The following EHBP1 variants were observed in gnomAD, a reference collection of about 807,000 sequenced individuals.
EHBP1 encodes the protein EH domain-binding protein 1.
EHBP1 carries 55 observed loss-of-function variants against 144.0 expected under a neutral mutation model. The ratio of observed to expected loss-of-function variants is 0.38; its 90% CI spans 0.31 to 0.48. EHBP1 has a LOEUF of 0.48. Among genes scored for constraint, EHBP1 ranks in the 20% least tolerant of loss-of-function variants. The pLI is 0.98. For synonymous variants in EHBP1, 469 were observed against 472.7 expected, an observed-to-expected ratio of 0.99 and a Z score of 0.10; for missense variants, 1,200 against 1,364.2, an observed-to-expected ratio of 0.88 and a Z score of 1.90.
chr2:62,870,591 C>T (rs929213326), intron 9 of EHBP1, among the ~76,000 whole-genome samples: 6 of 151,346 alleles, frequency 4.0e-5, no homozygotes, highest in Non-Finnish European at 7.4e-5. Flanking sequence ...TGGCAGGTGC[C>T]TGTAATCCCA....
intron 1 of EHBP1, among the ~76,000 whole-genome samples, chr2:62,682,602 A>G (rs1308159265): frequency 6.6e-6 from 1 of 152,230 alleles, no homozygotes; most frequent in Non-Finnish European, 1.5e-5. Flanking sequence ...CTGATTGACA[A>G]AGTCTAGAAA....
rs538875374 is a variant in EHBP1 at position 62,919,964 on chromosome 2, G to A, written c.1186-22754G>A. Reference sequence around the variant, plus strand: ...AATAAAAGTTAAGGTTGAAGAAAAGGGAACACAGCCTAAAGTACCTGTGAG... The same window carrying A: ...AATAAAAGTTAAGGTTGAAGAAAAGAGAACACAGCCTAAAGTACCTGTGAG... On this transcript the variant is annotated intron_variant, in intron 10 of 22. Transcript: ENST00000431489. Among the ~76,000 whole-genome samples, 15 of 152,168 alleles carry A rather than the reference G, an allele frequency of 9.9e-5. No individual in the cohort carries two copies. In the South Asian group the frequency reaches 2.9e-3, roughly 30 times the overall value.
upstream of EHBP1, among the ~76,000 whole-genome samples, chr2:62,703,180 C>G (rs889531430): frequency 2.0e-5 from 3 of 151,656 alleles, no homozygotes; most frequent in Non-Finnish European, 4.4e-5. Flanking sequence ...AAAAATTAGC[C>G]TATCAGTTAA....
intron 14 of EHBP1, among the ~76,000 whole-genome samples, chr2:62,956,655 C>T (rs1040980733): frequency 6.8e-6 from 1 of 147,760 alleles, no homozygotes; most frequent in Non-Finnish European, 1.5e-5. Flanking sequence ...TGAGACCAGC[C>T]TAGGCAACAG....
At chr2:62,988,434 T>C (rs530443722) in intron 15 of EHBP1, among the ~76,000 whole-genome samples, 21 of 152,284 alleles carry the variant, frequency 1.4e-4, no homozygotes, top group South Asian at 8.3e-4. Context: ...TTTAGAATTA[T>C]AGTCTTAGTT....
intron 13 of EHBP1, 101 bp downstream of exon 13, chr2:62,949,263 G>A: frequency 9.3e-7 from 1 of 1,079,058 alleles, no homozygotes; most frequent in Non-Finnish European, 1.3e-6. Context: ...TAAAGGTGAA[G>A]TGTAATTTCT....
In EHBP1 at chr2:62,955,548, A is replaced by G; in HGVS notation, c.2348A>G (p.Lys783Arg). Residue 783 changes from lysine to arginine, a missense_variant, in exon 14 of 23, where the codon AAG (lysine) becomes AGG (arginine). By Grantham distance (26) the Lys-to-Arg change is conservative. This residue lies in a region of EHBP1 where 543 missense variants were observed against 513.1 expected (regional missense o/e 1.06). Coordinates refer to ENST00000431489, the MANE Select transcript of EHBP1 (RefSeq NM_001142616.3). ...HRLLSRQEEL[K>R]ERARVLLEQA... ...TTGTTATCTAGACAAGAAGAACTTAAGGAAAGAGCAAGAGTTCTGCTTGAG... is the reference window on the plus strand; with the variant it reads ...TTGTTATCTAGACAAGAAGAACTTAGGGAAAGAGCAAGAGTTCTGCTTGAG... 2 of 1,612,770 alleles carry G rather than the reference A, an allele frequency of 1.2e-6. No homozygotes were observed. The highest frequency in any genetic ancestry group is 1.7e-6 in the Non-Finnish European group (2 of 1,179,216).
chr2:62,713,627 G>GTA (rs2035376661), intron 2 of EHBP1, among the ~76,000 whole-genome samples: 1 of 152,154 alleles, frequency 6.6e-6, no homozygotes, highest in Non-Finnish European at 1.5e-5. Flanking sequence ...GGTAAGAAAG[G>GTA]TATTGTTCCC....
Position 62,996,749 on chromosome 2 carries a change from G to A in EHBP1, c.3086G>A (p.Arg1029His), listed in dbSNP as rs1401104128. 2 of 1,612,224 alleles carry A rather than the reference G, an allele frequency of 1.2e-6. No individual in the cohort carries two copies. The highest frequency in any genetic ancestry group is 1.3e-5 in the African/African-American group (1 of 74,730). The change falls in exon 19 of 23, where the codon CGC becomes CAC. Residue 1029 changes from arginine (R) to histidine (H), a missense_variant. By Grantham distance (29) the Arg-to-His change is conservative. Around this residue, in one of 6 missense-constraint regions of EHBP1, gnomAD observed 149 missense variants for 217.0 expected, o/e 0.69. Coordinates refer to ENST00000431489, the MANE Select transcript of EHBP1 (RefSeq NM_001142616.3). ...TRAALVEKRL[R>H]YLMDTGRNTE... ...GCCGCGCTGGTGGAGAAGCGCCTTC[G>A]CTATCTCATGGACACAGGTACGGTG...
intron 10 of EHBP1, among the ~76,000 whole-genome samples, chr2:62,901,543 A>G (rs2053415753): frequency 6.6e-6 from 1 of 152,148 alleles, no homozygotes; most frequent in African/African-American, 2.4e-5. Flanking sequence ...ATGCTATTTT[A>G]TAGAGGAAAC....
intron 8 of EHBP1, among the ~76,000 whole-genome samples, chr2:62,860,286 T>C (rs2049399511): frequency 6.6e-6 from 1 of 152,178 alleles, no homozygotes; most frequent in South Asian, 2.1e-4. Context: ...GGTCACAAGT[T>C]TGCGCCCAGC....
At chr2:63,041,448 A>G (rs1473935571) in intron 21 of EHBP1, among the ~76,000 whole-genome samples, 1 of 152,200 alleles carries the variant, frequency 6.6e-6, no homozygotes, top group East Asian at 1.9e-4. Context: ...GATCTTCTCT[A>G]GGATTTTGTA....
chr2:62,961,165 A>G (rs2057982807), intron 14 of EHBP1, among the ~76,000 whole-genome samples: 1 of 152,230 alleles, frequency 6.6e-6, no homozygotes, highest in Non-Finnish European at 1.5e-5. Flanking sequence ...CTCAGGAAAG[A>G]TATAAGCTGT....
At chr2:62,703,147 A>T (rs2151765928), upstream of EHBP1, among the ~76,000 whole-genome samples, 1 of 152,054 alleles carries the variant, frequency 6.6e-6, no homozygotes, top group African/African-American at 2.4e-5. Flanking sequence ...ACGTGGTGAA[A>T]CCCTGTCTCT....
intron 7 of EHBP1, among the ~76,000 whole-genome samples, chr2:62,847,404 A>G (rs2048367867): frequency 6.6e-6 from 1 of 152,238 alleles, no homozygotes; most frequent in Non-Finnish European, 1.5e-5. Flanking sequence ...AAAGCAAAAC[A>G]AAAACCTAGA....
chr2:62,839,259 G>T (rs1048931183), intron 7 of EHBP1, among the ~76,000 whole-genome samples: 6 of 152,058 alleles, frequency 3.9e-5, no homozygotes, highest in African/African-American at 1.4e-4. Context: ...TATCTCAATA[G>T]ATGCGGAAAA....
chr2:63,006,597 C>T (rs1433093632), intron 19 of EHBP1, among the ~76,000 whole-genome samples: 1 of 151,880 alleles, frequency 6.6e-6, no homozygotes, highest in African/African-American at 2.4e-5. Flanking sequence ...AAAGTACAGA[C>T]ACTGTAAGTT....
intron 1 of EHBP1, among the ~76,000 whole-genome samples, chr2:62,693,371 G>C (rs971222862): frequency 1.3e-5 from 2 of 152,028 alleles, no homozygotes; most frequent in Non-Finnish European, 2.9e-5. Context: ...AATTTTTAAA[G>C]TGTATCATTT....
At chr2:62,843,716 A>G (rs1373822978) in intron 7 of EHBP1, among the ~76,000 whole-genome samples, 1 of 152,184 alleles carries the variant, frequency 6.6e-6, no homozygotes, top group Admixed American at 6.6e-5. Flanking sequence ...CAGCACGACC[A>G]CTTTAAAAGT....
Sources: allele counts gnomAD v4.1 joint callset (sites outside exome capture counted in the v4.1 genomes callset), GRCh38; gene constraint gnomAD v4.1.1; regional missense constraint gnomAD v4.1.1; transcripts MANE v1.5; gene names NCBI Gene and HGNC (gene_info 2026-07-23, HGNC 2026-07-21).